PRKCA: variants seen among roughly 807,000 people sequenced by gnomAD.
PRKCA encodes the protein protein kinase C alpha, also known as protein kinase C alpha type.
Under a neutral mutation model 87.0 loss-of-function variants are expected in PRKCA, and 27 were observed. The ratio of observed to expected loss-of-function variants is 0.31; its 90% CI spans 0.23 to 0.43. The LOEUF is 0.43. PRKCA is among the 20% of genes least tolerant of loss of function. The probability of loss-of-function intolerance (pLI) is 1.00; values close to 1 mark genes in which losing one functional copy is unlikely to be tolerated. For missense variants in PRKCA, 518 were observed against 852.3 expected, an observed-to-expected ratio of 0.61 and a Z score of 4.88; for synonymous variants, 329 against 311.1, an observed-to-expected ratio of 1.06 and a Z score of -0.61.
intron 14 of PRKCA, among the ~76,000 whole-genome samples, chr17:66,780,069 C>T (rs968798745): frequency 6.6e-6 from 1 of 152,138 alleles, no homozygotes; most frequent in Non-Finnish European, 1.5e-5. Context: ...GAGACTTGAG[C>T]CTAGAGAGAC....
intron 8 of PRKCA, among the ~76,000 whole-genome samples, chr17:66,711,306 AGTG>A (rs1169737082): frequency 6.6e-5 from 10 of 152,188 alleles, no homozygotes; most frequent in African/African-American, 2.4e-4. Context: ...ACACTACATG[AGTG>A]TGTTCATATG....
intron 2 of PRKCA, among the ~76,000 whole-genome samples, chr17:66,408,000 A>G (rs142017687): frequency 4.3e-4 from 65 of 152,334 alleles, no homozygotes; most frequent in African/African-American, 1.4e-3. Flanking sequence ...TTGAGCATTT[A>G]TGTAATTTGT....
chr17:66,760,867 T>G (rs1974667277), intron 13 of PRKCA, among the ~76,000 whole-genome samples: 1 of 152,204 alleles, frequency 6.6e-6, no homozygotes, highest in Non-Finnish European at 1.5e-5. Context: ...TATAAACAAT[T>G]GCAAACACTG....
chr17:66,388,159 A>G (rs1910167480), intron 2 of PRKCA, among the ~76,000 whole-genome samples: 1 of 152,138 alleles, frequency 6.6e-6, no homozygotes, highest in Admixed American at 6.6e-5. Flanking sequence ...ACGTGTCATG[A>G]CATAACAAGG....
At chr17:66,461,272 C>T (rs982656936) in intron 2 of PRKCA, among the ~76,000 whole-genome samples, 7 of 151,334 alleles carry the variant, frequency 4.6e-5, no homozygotes, top group Admixed American at 4.6e-4. Context: ...GTTCATGTGC[C>T]AAATTTAATA....
At chr17:66,548,139 G>C (rs961982423) in intron 3 of PRKCA, among the ~76,000 whole-genome samples, 1 of 152,170 alleles carries the variant, frequency 6.6e-6, no homozygotes, top group Non-Finnish European at 1.5e-5. Flanking sequence ...TCTTGTTCGG[G>C]GGGATTTCCT....
intron 2 of PRKCA, among the ~76,000 whole-genome samples, chr17:66,341,148 T>C (rs1225399250): frequency 1.3e-5 from 2 of 152,172 alleles, no homozygotes; most frequent in Non-Finnish European, 2.9e-5. Context: ...ATTTTTCTGA[T>C]GGTCGCAGAC....
At chr17:66,523,143 C>T (rs1466361275) in intron 3 of PRKCA, among the ~76,000 whole-genome samples, 1 of 152,136 alleles carries the variant, frequency 6.6e-6, no homozygotes, top group Non-Finnish European at 1.5e-5. Context: ...GTTCTGGTCA[C>T]ACTGTCATTC....
intron 2 of PRKCA, among the ~76,000 whole-genome samples, chr17:66,439,464 G>A (rs1913601496): frequency 6.6e-6 from 1 of 152,216 alleles, no homozygotes; most frequent in Non-Finnish European, 1.5e-5. Context: ...ACAGGCATGA[G>A]CCATCGTGCC....
At chr17:66,442,558 A>G (rs1446266979) in intron 2 of PRKCA, among the ~76,000 whole-genome samples, 1 of 152,132 alleles carries the variant, frequency 6.6e-6, no homozygotes, top group East Asian at 1.9e-4. Flanking sequence ...AAACTGGCCT[A>G]CAAGGCCCTG....
intron 5 of PRKCA, among the ~76,000 whole-genome samples, chr17:66,648,265 A>G (rs570677624): frequency 6.6e-6 from 1 of 152,348 alleles, no homozygotes; most frequent in East Asian, 1.9e-4. Context: ...TCTTAATACT[A>G]TCACACCGGG....
At chr17:66,346,580 A>G (rs1033323775) in intron 2 of PRKCA, among the ~76,000 whole-genome samples, 7 of 152,120 alleles carry the variant, frequency 4.6e-5, no homozygotes, top group Non-Finnish European at 8.8e-5. Flanking sequence ...TACAGATCCT[A>G]AGAGATGATC....
rs1016075532 is a variant in PRKCA at position 66,810,614 on chromosome 17, G to A, written c.*6577G>A. 12 of 151,986 alleles carry A rather than the reference G, an allele frequency of 7.9e-5. No homozygotes were observed. The highest frequency in any genetic ancestry group is 2.9e-4 in the African/African-American group (12 of 41,418). The allele number at this position is 151,986 out of a possible 1,614,324, so 9.4% of individuals were successfully genotyped here. A position where few individuals can be genotyped will look rare whatever the true frequency, so the allele number is the denominator to read the frequency against. On this transcript the variant is annotated 3_prime_UTR_variant, in exon 17 of 17. Transcript: ENST00000413366. ...TGGTTATATCGCAGAGGAGACGGATGTGTAAATTACTGCATTGCTTTTTTT... is the reference window on the plus strand; with the variant it reads ...TGGTTATATCGCAGAGGAGACGGATATGTAAATTACTGCATTGCTTTTTTT...
chr17:66,798,435 C>CGTGGTGGTGGTGGTGGTGGTGGT (rs1975736742), intron 16 of PRKCA, among the ~76,000 whole-genome samples: 1 of 13,686 alleles, frequency 7.3e-5, no homozygotes, highest in Non-Finnish European at 1.3e-4. Flanking sequence ...GTGGTGGTGA[C>CGTGGTGGTGGTGGTGGTGGTGGT]GGTGGTGGTG....
At chr17:66,440,091 T>C (rs1217405524) in intron 2 of PRKCA, among the ~76,000 whole-genome samples, 5 of 152,208 alleles carry the variant, frequency 3.3e-5, no homozygotes, top group African/African-American at 1.2e-4. Context: ...ACTGTAGGCT[T>C]TGATTTATTT....
intron 2 of PRKCA, among the ~76,000 whole-genome samples, chr17:66,396,957 C>CTTTTTTT (rs35135551): frequency 3.8e-5 from 2 of 52,136 alleles, no homozygotes; most frequent in African/African-American, 7.2e-5. Flanking sequence ...ACAATCAAGA[C>CTTTTTTT]TTTTTTTTTT....
intron 2 of PRKCA, among the ~76,000 whole-genome samples, chr17:66,359,920 CCTA>C (rs1274404604): frequency 2.0e-5 from 3 of 152,184 alleles, no homozygotes; most frequent in African/African-American, 7.2e-5. Flanking sequence ...TATTTAACCT[CCTA>C]CTAAACTGCC....
intron 3 of PRKCA, among the ~76,000 whole-genome samples, chr17:66,568,456 T>C (rs1968963689): frequency 6.6e-6 from 1 of 152,096 alleles, no homozygotes; most frequent in Admixed American, 6.5e-5. Context: ...GAAGCTTGAG[T>C]GCGGGTGCTG....
intron 2 of PRKCA, among the ~76,000 whole-genome samples, chr17:66,383,999 T>A (rs1411474894): frequency 6.6e-6 from 1 of 152,124 alleles, no homozygotes; most frequent in Non-Finnish European, 1.5e-5. Flanking sequence ...ATAGTTAAAA[T>A]ATATTTAGGT....
Sources: allele counts gnomAD v4.1 joint callset (sites outside exome capture counted in the v4.1 genomes callset), GRCh38; gene constraint gnomAD v4.1.1; transcripts MANE v1.5; gene names NCBI Gene and HGNC (gene_info 2026-07-23, HGNC 2026-07-21).